Variants in BSN observed in about 807,000 individuals in gnomAD.
BSN encodes the protein protein bassoon.
BSN carries 57 observed loss-of-function variants against 264.8 expected under a neutral mutation model. That is an observed-to-expected ratio of 0.22 (90% confidence interval 0.17 to 0.27). BSN has a LOEUF of 0.27. Among genes scored for constraint, BSN ranks in the 10% least tolerant of loss-of-function variants. The pLI is 1.00. For missense variants in BSN, 4,615 were observed against 5,232.5 expected, an observed-to-expected ratio of 0.88 and a Z score of 3.64; for synonymous variants, 2,059 against 2,137.3, an observed-to-expected ratio of 0.96 and a Z score of 1.01.
intron 1 of BSN, among the ~76,000 whole-genome samples, chr3:49,617,717 G>C (rs2052272569): frequency 6.6e-6 from 1 of 152,166 alleles, no homozygotes; most frequent in South Asian, 2.1e-4. Context: ...CTCCTGAGGA[G>C]GCCTTGGACG....
At chr3:49,592,880 C>T (rs1344280526) in intron 1 of BSN, among the ~76,000 whole-genome samples, 1 of 152,098 alleles carries the variant, frequency 6.6e-6, no homozygotes, top group Non-Finnish European at 1.5e-5. Context: ...ACCAATCTTT[C>T]TCAGATTTTT....
At chr3:49,613,303 C>CGAGCGAGCGAGAGAGAGAGAGA (rs1553662875) in intron 1 of BSN, among the ~76,000 whole-genome samples, 2 of 47,332 alleles carry the variant, frequency 4.2e-5, no homozygotes, top group African/African-American at 1.4e-4. Flanking sequence ...ACACACAGAG[C>CGAGCGAGCGAGAGAGAGAGAGA]GAGAGAGAGA....
rs539171468 is a variant in BSN at position 49,657,482 on chromosome 3, C to T, written c.7926C>T (p.Asp2642=). The change falls in exon 5 of 12, where the codon GAC becomes GAT. Residue 2642 remains aspartate, a synonymous_variant. Coordinates refer to ENST00000296452, the MANE Select transcript of BSN (RefSeq NM_003458.4). ...CCCGCCACTCAGACTCAGGCTCTGA[C>T]AGCAAGCACGATGCCACTGCCTCAT... ...RLPRHSDSGS[D]SKHDATASSS... The T allele has an allele frequency of 1.2e-6, 2 of 1,613,170 alleles. No individual in the cohort carries two copies. Among genetic ancestry groups the T allele is most frequent in the South Asian group, 2.2e-5 (2 of 91,076 alleles).
chr3:49,596,882 C>T (rs1439509223), intron 1 of BSN, among the ~76,000 whole-genome samples: 2 of 151,964 alleles, frequency 1.3e-5, no homozygotes, highest in Non-Finnish European at 1.5e-5. Context: ...TTGTCAAATA[C>T]TTTTTCTGTG....
Position 49,613,303 on chromosome 3 carries a change from C to CAAGAGAGAGAGAGAGAGA in BSN, c.225-11672_225-11671insAAGAGAGAGAGAGAGAGA, listed in dbSNP as rs2052223343. The stretch of plus-strand genomic sequence containing the variant: ...TATATATATATATACACACACAGAG[C>CAAGAGAGAGAGAGAGAGA]GAGAGAGAGAGAGAGAGAGAGAGAG... On this transcript the variant is annotated intron_variant, in intron 1 of 11. Transcript: ENST00000296452. Among the ~76,000 whole-genome samples, 132 of 47,334 alleles carry CAAGAGAGAGAGAGAGAGA rather than the reference C, an allele frequency of 2.8e-3. 5 individuals are homozygous for CAAGAGAGAGAGAGAGAGA. Among genetic ancestry groups the CAAGAGAGAGAGAGAGAGA allele is most frequent in the Admixed American group, 7.7e-3 (21 of 2,726 alleles). The allele number at this position is 47,334 out of a possible 152,430, so 31.1% of individuals were successfully genotyped here.
chr3:49,607,974 G>T (rs1194898169), intron 1 of BSN, among the ~76,000 whole-genome samples: 1 of 152,220 alleles, frequency 6.6e-6, no homozygotes, highest in Non-Finnish European at 1.5e-5. Flanking sequence ...GGGGGACTGA[G>T]AATCAATCTC....
intron 1 of BSN, among the ~76,000 whole-genome samples, chr3:49,616,103 A>G (rs934986513): frequency 6.6e-6 from 1 of 152,206 alleles, no homozygotes; most frequent in Non-Finnish European, 1.5e-5. Flanking sequence ...ATGCTGAAAC[A>G]TGTTGTATTG....
chr3:49,647,685 T>C (rs761228644), intron 3 of BSN, among the ~76,000 whole-genome samples: 10 of 152,142 alleles, frequency 6.6e-5, no homozygotes, highest in Non-Finnish European at 1.3e-4. Flanking sequence ...AGGGGTATGT[T>C]GGGGTTGGAG....
intron 1 of BSN, among the ~76,000 whole-genome samples, chr3:49,590,090 C>T (rs1463506876): frequency 1.3e-5 from 2 of 152,250 alleles, no homozygotes; most frequent in African/African-American, 2.4e-5. Context: ...CCCGCCTCGG[C>T]CTCCTAAAGT....
At chr3:49,610,820 G>A (rs2052200773) in intron 1 of BSN, among the ~76,000 whole-genome samples, 1 of 152,104 alleles carries the variant, frequency 6.6e-6, no homozygotes, top group Non-Finnish European at 1.5e-5. Flanking sequence ...ATGTTTCTGG[G>A]GCCAGTCCAG....
In BSN at chr3:49,622,912, T is replaced by C. The variant is rs1028694185; in HGVS notation, c.225-2063T>C. On this transcript the variant is annotated intron_variant, in intron 1 of 11. Coordinates refer to ENST00000296452, the MANE Select transcript of BSN (RefSeq NM_003458.4). Reference sequence around the variant, plus strand: ...TCTGGTTGTCTTGCTGAAGAAGCAATTGGCGGGTCTGTGACTGGATAGTTA... The same window carrying C: ...TCTGGTTGTCTTGCTGAAGAAGCAACTGGCGGGTCTGTGACTGGATAGTTA... 9.8e-5 allele frequency among the ~76,000 whole-genome samples: 15 copies of C among 152,320 alleles called. No individual in the cohort carries two copies. In the Middle Eastern group the frequency reaches 0.01, roughly 104 times the overall value.
chr3:49,556,950 A>T (rs1310816824), intron 1 of BSN, among the ~76,000 whole-genome samples: 3 of 152,174 alleles, frequency 2.0e-5, no homozygotes, highest in South Asian at 2.1e-4. Context: ...TAAAAGGGAG[A>T]TGATTCTGGG....
In BSN at chr3:49,662,901, G is replaced by A. The variant is rs780849927; in HGVS notation, c.10743G>A (p.Thr3581=). 8.2e-6 allele frequency: 13 copies of A among 1,594,570 alleles called. No individual in the cohort carries two copies. The highest frequency in any genetic ancestry group is 1.7e-4 in the Middle Eastern group (1 of 5,980). The change falls in exon 7 of 12, where the codon ACG becomes ACA. Residue 3581 remains threonine, a synonymous_variant. Coordinates refer to ENST00000296452, the MANE Select transcript of BSN (RefSeq NM_003458.4). ...SEAYHLGQEE[T]DWFDKPRDAR... is the part of the protein sequence containing the mutation. ...CGTATCACCTGGGCCAGGAGGAGACGGACTGGTTTGATAAGCCCCGGGATG... is the reference window on the plus strand; with the variant it reads ...CGTATCACCTGGGCCAGGAGGAGACAGACTGGTTTGATAAGCCCCGGGATG...
In BSN at chr3:49,655,454, T is replaced by G. The variant is rs2052590647; in HGVS notation, c.5898T>G (p.His1966Gln). 1.9e-6 allele frequency: 3 copies of G among 1,575,450 alleles called. No homozygotes were observed. The highest frequency in any genetic ancestry group is 2.6e-6 in the Non-Finnish European group (3 of 1,159,700). Reference sequence around the variant, plus strand: ...AGGGGGTGGTGGGGCCTGGGCCCCATGAGGAGCAGAGGCCCTACCCACAAG... The same window carrying G: ...AGGGGGTGGTGGGGCCTGGGCCCCAGGAGGAGCAGAGGCCCTACCCACAAG... ...RAQGVVGPGPHEEQRPYPQGL... is the reference protein window; with the variant it reads ...RAQGVVGPGPQEEQRPYPQGL... Residue 1966 changes from histidine to glutamine, a missense_variant, in exon 5 of 12, where the codon CAT (histidine) becomes CAG (glutamine). By Grantham distance (24) the His-to-Gln change is conservative (BLOSUM62 0). This residue lies in a region of BSN where 3,415 missense variants were observed against 3,866.4 expected (regional missense o/e 0.88). Coordinates refer to ENST00000296452, the MANE Select transcript of BSN (RefSeq NM_003458.4).
intron 1 of BSN, among the ~76,000 whole-genome samples, chr3:49,588,644 C>G (rs572909541): frequency 1.3e-5 from 2 of 152,242 alleles, no homozygotes; most frequent in East Asian, 3.9e-4. Flanking sequence ...TAATTCCTCT[C>G]AAAGTACTTT....
Position 49,625,218 on chromosome 3 carries a change from C to T in BSN, c.468C>T (p.Tyr156=), listed in dbSNP as rs1245504989. The change falls in exon 2 of 12, where the codon TAC becomes TAT. Residue 156 remains tyrosine, a synonymous_variant. Transcript: ENST00000296452. This position sits in a 1 kb window ranked among gnomAD's most constrained non-coding sequence, Gnocchi z 4.4. ...PDRGSTPTSP[Y]SVPQIAPLPS... ...GAGGCAGCACCCCCACATCACCCTA[C>T]TCCGTCCCTCAGATCGCCCCCCTTC... is the stretch of plus-strand genomic sequence containing the variant. 3 of 1,580,816 alleles carry T rather than the reference C, an allele frequency of 1.9e-6. No individual in the cohort carries two copies. Among genetic ancestry groups the T allele is most frequent in the Admixed American group, 1.8e-5 (1 of 54,278 alleles).
In BSN at chr3:49,660,465, C is replaced by T. The variant is rs1466187240; in HGVS notation, c.8641-21C>T. On this transcript the variant is annotated intron_variant, in intron 5 of 11. Coordinates refer to ENST00000296452, the MANE Select transcript of BSN (RefSeq NM_003458.4). The surrounding 1 kb of genome is among the most constrained non-coding windows in gnomAD (Gnocchi z 7.1). ...ACCACACCTTGGGTCTCAGTGCTGC[C>T]CACCCTTCCCTCTGTCTCAGGTGTC... 6.6e-7 allele frequency: 1 copy of T among 1,523,782 alleles called. No individual in the cohort carries two copies. Among genetic ancestry groups the T allele is most frequent in the East Asian group, 2.3e-5 (1 of 44,106 alleles). The allele number at this position is 1,523,782 out of a possible 1,614,324, so 94.4% of individuals were successfully genotyped here. A position where few individuals can be genotyped will look rare whatever the true frequency, so the allele number is the denominator to read the frequency against.
Position 49,668,079 on chromosome 3 carries a change from T to A in BSN, c.*594T>A, listed in dbSNP as rs9823546. The A allele has an allele frequency of 0.27, 41,130 of 152,552 alleles. 6,093 individuals are homozygous for A. Among genetic ancestry groups the A allele is most frequent in the Middle Eastern group, 0.3 (89 of 294 alleles). 9.4% of individuals were successfully genotyped at this position (152,552 alleles called of 1,614,324 possible). A position where few individuals can be genotyped will look rare whatever the true frequency, so the allele number is the denominator to read the frequency against. On this transcript the variant is annotated 3_prime_UTR_variant, in exon 12 of 12. Transcript: ENST00000296452. Reference sequence around the variant, plus strand: ...CCCGTCACATGCCCTCTGGGTGACATCGGAGCAGACCTCCATGTGGCCAGG... The same window carrying A: ...CCCGTCACATGCCCTCTGGGTGACAACGGAGCAGACCTCCATGTGGCCAGG...
At position 49,635,852 on chromosome 3, in the gene BSN, G is replaced by C. The variant is rs111593199; in HGVS notation, c.634-6416G>C. 5.8e-3 allele frequency among the ~76,000 whole-genome samples: 875 copies of C among 152,030 alleles called. 13 individuals are homozygous for C. Among genetic ancestry groups the C allele is most frequent in the African/African-American group, 0.02 (843 of 41,462 alleles). ...AATTAGCTGGGTGTGGTGGCGCCAT[G>C]CCTGTAGTCCCATCTACTCGGGAGG... On this transcript the variant is annotated intron_variant, in intron 2 of 11. Transcript: ENST00000296452.
Sources: allele counts gnomAD v4.1 joint callset (sites outside exome capture counted in the v4.1 genomes callset), GRCh38; gene constraint gnomAD v4.1.1; regional missense constraint gnomAD v4.1.1; non-coding constraint Gnocchi (gnomAD v3.1); transcripts MANE v1.5; gene names NCBI Gene and HGNC (gene_info 2026-07-23, HGNC 2026-07-21).